Variants in GPN1 observed in about 807,000 individuals in gnomAD.
The protein encoded by GPN1 is GPN-loop GTPase 1.
Under a neutral mutation model 55.9 loss-of-function variants are expected in GPN1, and 44 were observed. The observed-to-expected ratio is 0.79, with a 90% CI of 0.62 to 1.01. The LOEUF is 1.01. Ranked by LOEUF, GPN1 falls within the 50% of genes least tolerant of loss-of-function variation. The pLI is 0.00. For missense variants in GPN1, 466 were observed against 462.8 expected (o/e 1.01, Z -0.06); for synonymous variants, 179 against 162.5 (o/e 1.10, Z -0.77).
intron 7 of GPN1, among the ~76,000 whole-genome samples, chr2:27,635,994 C>T (rs969872191): frequency 6.6e-6 from 1 of 152,132 alleles, no homozygotes; most frequent in Non-Finnish European, 1.5e-5. Context: ...GTGGGAGGAT[C>T]GCCTGAGCCC....
Position 27,629,103 on chromosome 2 carries a change from T to G in GPN1, c.45T>G (p.Gly15=). The G allele has an allele frequency of 1.2e-6, 2 of 1,614,042 alleles. No homozygotes were observed. The highest frequency in any genetic ancestry group is 1.7e-6 in the Non-Finnish European group (2 of 1,179,996). ...AAAAELQASG[G]PRHPVCLLVL... ...CCGCTGAGCTCCAGGCTTCTGGGGGTCCGCGGCACCCAGTGTGTCTGTTGG... is the reference window on the plus strand; with the variant it reads ...CCGCTGAGCTCCAGGCTTCTGGGGGGCCGCGGCACCCAGTGTGTCTGTTGG... The change falls in exon 1 of 14, where the codon GGT becomes GGG. Residue 15 remains glycine, a synonymous_variant. Transcript: ENST00000610189.
At chr2:27,640,327 CATTGT>C in intron 10 of GPN1, among the ~76,000 whole-genome samples, 1 of 152,036 alleles carries the variant, frequency 6.6e-6, no homozygotes, top group East Asian at 1.9e-4. Context: ...TATAAATCTT[CATTGT>C]ATTGAGTGAT....
chr2:27,635,300 C>CTTT lies in GPN1; in HGVS notation c.524+80_524+82dup, dbSNP rs57185039. 1,462 of 521,664 alleles carry CTTT rather than the reference C, an allele frequency of 2.8e-3. 8 individuals carry two copies. Among genetic ancestry groups the CTTT allele is most frequent in the African/African-American group, 5.1e-3 (219 of 42,810 alleles). 32.3% of individuals were successfully genotyped at this position (521,664 alleles called of 1,614,324 possible). A position where few individuals can be genotyped will look rare whatever the true frequency, so the allele number is the denominator to read the frequency against. Reference sequence around the variant, plus strand: ...AAGGCCTTTTTCTCTTCTTCTTCCTCTTTTTTTTTTTTTTTTGAATCTGGT... The same window carrying CTTT: ...AAGGCCTTTTTCTCTTCTTCTTCCTCTTTTTTTTTTTTTTTTTTTGAATCTGGT... On this transcript the variant is annotated intron_variant, in intron 7 of 13. Coordinates refer to ENST00000610189, the MANE Select transcript of GPN1 (RefSeq NM_007266.4).
In GPN1 at chr2:27,642,456, G is replaced by A; in HGVS notation, c.868G>A (p.Glu290Lys). ...LANAESQQQR[E>K]QLERLRKDMG... ...CAACGCAGAGAGCCAACAGCAGAGAGAACAACTGGAACGCCTTCGAAAAGA... is the reference window on the plus strand; with the variant it reads ...CAACGCAGAGAGCCAACAGCAGAGAAAACAACTGGAACGCCTTCGAAAAGA... The change falls in exon 12 of 14, where the codon GAA (glutamate) becomes AAA (lysine). Residue 290 changes from glutamate to lysine, a missense_variant. Coordinates refer to ENST00000610189, the MANE Select transcript of GPN1 (RefSeq NM_007266.4). 1 of 1,613,360 alleles carries A rather than the reference G, an allele frequency of 6.2e-7. No individual in the cohort carries two copies. Among genetic ancestry groups the A allele is most frequent in the South Asian group, 1.1e-5 (1 of 91,052 alleles).
At chr2:27,628,757 A>T (rs1326670059), upstream of GPN1, 1 of 1,544,112 alleles carries the variant, frequency 6.5e-7, no homozygotes, top group Admixed American at 2.0e-5. Context: ...TGCCCTCGGG[A>T]CCCCATCTCT....
At chr2:27,629,023 T>C (rs1255674558), upstream of GPN1, 2 of 1,613,282 alleles carry the variant, frequency 1.2e-6, no homozygotes, top group African/African-American at 2.7e-5. Context: ...ACCCATGCGG[T>C]GTCTCTATGG....
In GPN1 at chr2:27,638,955, A is replaced by G. The variant is rs1673838160; in HGVS notation, c.641A>G (p.Asn214Ser). The G allele has an allele frequency of 2.5e-6, 4 of 1,613,624 alleles. No homozygotes were observed. The highest frequency in any genetic ancestry group is 3.4e-6 in the Non-Finnish European group (4 of 1,179,534). ...TTTGAGGCTTTCCAAGATGCCTTGA[A>G]TCAAGAGACTACATACGTCAGTAAC... ...QDFEAFQDAL[N>S]QETTYVSNLT... The change falls in exon 9 of 14, where the codon AAT becomes AGT. Residue 214 changes from asparagine to serine, a missense_variant. Asn to Ser is a conservative substitution (Grantham distance 46, BLOSUM62 1). Coordinates refer to ENST00000610189, the MANE Select transcript of GPN1 (RefSeq NM_007266.4).
rs1317210668 is a variant in GPN1, at chr2:27,643,318, T to C, written c.931+799T>C. ...AATGTTAACATTCTACCATGTTTACTTTATTCTTTATCTATATATGACTTT... is the reference window on the plus strand; with the variant it reads ...AATGTTAACATTCTACCATGTTTACCTTATTCTTTATCTATATATGACTTT... On this transcript the variant is annotated intron_variant, in intron 12 of 13. Coordinates refer to ENST00000610189, the MANE Select transcript of GPN1 (RefSeq NM_007266.4). The surrounding 1 kb of genome is among the most constrained non-coding windows in gnomAD (Gnocchi z 4.0). Among the ~76,000 whole-genome samples, 2 of 151,912 alleles carry C rather than the reference T, an allele frequency of 1.3e-5. No individual in the cohort carries two copies. The highest frequency in any genetic ancestry group is 2.9e-5 in the Non-Finnish European group (2 of 67,960).
At chr2:27,631,480 A>C in intron 3 of GPN1, 1 of 430,036 alleles carries the variant, frequency 2.3e-6, no homozygotes, top group Non-Finnish European at 4.2e-6. Flanking sequence ...AGGAAGACTA[A>C]TCATAATCAG....
intron 7 of GPN1, among the ~76,000 whole-genome samples, chr2:27,637,762 G>C (rs1169764342): frequency 6.6e-6 from 1 of 152,176 alleles, no homozygotes; most frequent in African/African-American, 2.4e-5. Context: ...ACACTGACAT[G>C]ACACTCAGAG....
At chr2:27,631,256 C>T (rs1448245974) in intron 3 of GPN1, 190 bp downstream of exon 3, 8 of 584,720 alleles carry the variant, frequency 1.4e-5, no homozygotes, top group African/African-American at 1.3e-4. Context: ...TACCATCTCC[C>T]CAGATGGCAG....
At chr2:27,648,440 G>T (rs1191170178) in intron 13 of GPN1, among the ~76,000 whole-genome samples, 2 of 152,110 alleles carry the variant, frequency 1.3e-5, no homozygotes, top group Non-Finnish European at 2.9e-5. Context: ...GGTTGCTTGA[G>T]CCCAGAAGTT....
At position 27,633,468 on chromosome 2, in the gene GPN1, G is replaced by A. The variant is rs557414782; in HGVS notation, c.350+798G>A. ...CTACAGGTGTGAGCCACCACACCTGGCTAATTTTTGTATTTTTGTATTTTT... is the reference window on the plus strand; with the variant it reads ...CTACAGGTGTGAGCCACCACACCTGACTAATTTTTGTATTTTTGTATTTTT... On this transcript the variant is annotated intron_variant, in intron 5 of 13. Transcript: ENST00000610189. Among the ~76,000 whole-genome samples, 328 of 152,148 alleles carry A rather than the reference G, an allele frequency of 2.2e-3. 3 individuals are homozygous for A. The highest frequency in any genetic ancestry group is 7.2e-3 in the African/African-American group (298 of 41,516).
Position 27,638,215 on chromosome 2 carries a change from T to C in GPN1, c.530T>C (p.Leu177Ser), listed in dbSNP as rs1278974136. 1 of 1,553,618 alleles carries C rather than the reference T, an allele frequency of 6.4e-7. No individual in the cohort carries two copies. Among genetic ancestry groups the C allele is most frequent in the East Asian group, 2.2e-5 (1 of 44,546 alleles). ...MSNMLYACSI[L>S]YKTKLPFIVV... ...TCTCAATGTTTGGTTTTCAGCATCT[T>C]ATACAAAACCAAGCTGCCTTTCATT... The change falls in exon 8 of 14, where the codon TTA (leucine) becomes TCA (serine). Residue 177 changes from leucine (L) to serine (S), a missense_variant. Physicochemically the swap from Leu to Ser is moderately radical, Grantham distance 145. Transcript: ENST00000610189.
At position 27,639,001 on chromosome 2, in the gene GPN1, G is replaced by A; in HGVS notation, c.687G>A (p.Leu229=). Residue 229 remains leucine (L), a synonymous_variant, in exon 9 of 14, where the codon CTG becomes CTA. Transcript: ENST00000610189. ...GTAACCTGACTCGTTCAATGAGCCT[G>A]GTGTTAGATGAGTTTTACAGCTCAC... ...YVSNLTRSMS[L]VLDEFYSSLR... 6.2e-7 allele frequency: 1 copy of A among 1,612,770 alleles called. No homozygotes were observed. Among genetic ancestry groups the A allele is most frequent in the African/African-American group, 1.3e-5 (1 of 74,980 alleles).
At chr2:27,638,113 C>G in intron 7 of GPN1, 97 bp from the exon 8 acceptor site, 4 of 704,150 alleles carry the variant, frequency 5.7e-6, no homozygotes, top group Non-Finnish European at 1.0e-5. Flanking sequence ...AGATTCTGAA[C>G]TCATTTCTGT....
intron 12 of GPN1, among the ~76,000 whole-genome samples, chr2:27,646,161 C>T (rs1024522437): frequency 6.6e-6 from 1 of 152,198 alleles, no homozygotes; most frequent in African/African-American, 2.4e-5. Flanking sequence ...TGTGCCTCAG[C>T]CTCCTGTGTA....
intron 12 of GPN1, among the ~76,000 whole-genome samples, chr2:27,642,952 T>TACAC (rs1419636770): frequency 1.2e-3 from 47 of 38,052 alleles, no homozygotes; most frequent in African/African-American, 2.4e-3. Context: ...TTTATATATA[T>TACAC]ATATATACAC....
intron 12 of GPN1, among the ~76,000 whole-genome samples, chr2:27,645,078 CT>C (rs947221873): frequency 6.6e-6 from 1 of 151,676 alleles, no homozygotes; most frequent in African/African-American, 2.4e-5. Context: ...AGCATTCCCC[CT>C]GTCTCAGCCT....
Sources: allele counts gnomAD v4.1 joint callset (sites outside exome capture counted in the v4.1 genomes callset), GRCh38; gene constraint gnomAD v4.1.1; non-coding constraint Gnocchi (gnomAD v3.1); transcripts MANE v1.5; gene names NCBI Gene and HGNC (gene_info 2026-07-23, HGNC 2026-07-21).